The following GDAP2 variants were observed in gnomAD, a reference collection of about 807,000 sequenced individuals.
GDAP2 encodes ganglioside induced differentiation associated protein 2.
In GDAP2, 51 loss-of-function variants were observed where a neutral mutation model predicts 67.0. The observed-to-expected ratio is 0.76, with a 90% CI of 0.61 to 0.96. The LOEUF is 0.96. Ranked by LOEUF, GDAP2 falls within the 40% of genes least tolerant of loss-of-function variation. GDAP2 has a pLI of 0.00. For synonymous variants in GDAP2, 203 were observed against 207.3 expected (o/e 0.98, Z 0.18); for missense variants, 547 against 588.3 (o/e 0.93, Z 0.73).
intron 10 of GDAP2, among the ~76,000 whole-genome samples, chr1:117,886,141 T>C (rs916788206): frequency 7.2e-5 from 11 of 152,228 alleles, no homozygotes; most frequent in African/African-American, 2.7e-4. Context: ...TTATGAATCA[T>C]CTATTTCTGT....
chr1:117,929,066 G>A (rs939908965), intron 1 of GDAP2, among the ~76,000 whole-genome samples: 1 of 152,096 alleles, frequency 6.6e-6, no homozygotes, highest in African/African-American at 2.4e-5. Context: ...CTCACCCGAG[G>A]TGCTCTCGGT....
chr1:117,917,789 A>T (rs532737390), intron 3 of GDAP2, among the ~76,000 whole-genome samples: 1 of 152,228 alleles, frequency 6.6e-6, no homozygotes, highest in South Asian at 2.1e-4. Flanking sequence ...ACATGCCATT[A>T]GGAATTTTTC....
chr1:117,907,048 TA>T (rs1001392116), intron 5 of GDAP2, among the ~76,000 whole-genome samples: 3 of 152,336 alleles, frequency 2.0e-5, no homozygotes, highest in Non-Finnish European at 1.5e-5. Context: ...CAGTATTAGA[TA>T]TCCTACCCAG....
intron 7 of GDAP2, among the ~76,000 whole-genome samples, chr1:117,897,720 T>C (rs1335716599): frequency 6.6e-6 from 1 of 152,196 alleles, no homozygotes; most frequent in Non-Finnish European, 1.5e-5. Flanking sequence ...ACAAACGTCG[T>C]ACCATGGGGA....
At chr1:117,882,002 A>G (rs962725616) in intron 11 of GDAP2, 125 bp from the exon 12 acceptor site, 7 of 591,200 alleles carry the variant, frequency 1.2e-5, no homozygotes, top group African/African-American at 1.9e-5. Flanking sequence ...AAAGACAGCT[A>G]TAATTTACAG....
At chr1:117,921,868 T>G (rs1187967291) in intron 1 of GDAP2, among the ~76,000 whole-genome samples, 1 of 152,062 alleles carries the variant, frequency 6.6e-6, no homozygotes, top group East Asian at 1.9e-4. Flanking sequence ...AATGTTAGAT[T>G]TGGAATGTAT....
chr1:117,908,493 T>C (rs533976156), intron 5 of GDAP2, among the ~76,000 whole-genome samples: 215 of 152,270 alleles, frequency 1.4e-3, no homozygotes, highest in Non-Finnish European at 2.7e-3. Flanking sequence ...TTTTCCTCTA[T>C]TCTGCTTTAA....
At chr1:117,870,781 C>CA (rs1364528841) in intron 13 of GDAP2, among the ~76,000 whole-genome samples, 165 bp from the exon 14 acceptor site, 1 of 152,130 alleles carries the variant, frequency 6.6e-6, no homozygotes, top group Non-Finnish European at 1.5e-5. Context: ...TAGTATCACT[C>CA]AGAGTATAAG....
rs1221672844 is a variant in GDAP2, at chr1:117,868,853, T to C, written c.*1716A>G. The C allele has an allele frequency of 1.3e-5, 2 of 152,162 alleles. No homozygotes were observed. Among genetic ancestry groups the C allele is most frequent in the Non-Finnish European group, 2.9e-5 (2 of 68,034 alleles). 9.4% of individuals were successfully genotyped at this position (152,162 alleles called of 1,614,324 possible). Reference sequence around the variant, plus strand: ...GAGAAAATCTTAACATAGATGTATATATAAGGATCAAGTAATTTTGAGGTC... The same window carrying C: ...GAGAAAATCTTAACATAGATGTATACATAAGGATCAAGTAATTTTGAGGTC... On this transcript the variant is annotated 3_prime_UTR_variant, in exon 14 of 14. Coordinates refer to ENST00000369443, the MANE Select transcript of GDAP2 (RefSeq NM_017686.4).
Position 117,906,525 on chromosome 1 carries a change from G to A in GDAP2, c.617C>T (p.Ala206Val). ...HGETIEKVVF[A>V]VSDLEEGTYQ... Reference sequence around the variant, plus strand: ...AAATACCTCTTCAAGATCAGAGACAGCAAATACTACTTTTTCAATGGTTTC... The same window carrying A: ...AAATACCTCTTCAAGATCAGAGACAACAAATACTACTTTTTCAATGGTTTC... Residue 206 changes from alanine to valine, a missense_variant, in exon 6 of 14, where the codon GCT becomes GTT. Transcript: ENST00000369443. 1 of 1,563,814 alleles carries A rather than the reference G, an allele frequency of 6.4e-7. No homozygotes were observed. Among genetic ancestry groups the A allele is most frequent in the Non-Finnish European group, 8.8e-7 (1 of 1,137,638 alleles).
At chr1:117,903,646 T>A (rs1253834070) in intron 6 of GDAP2, among the ~76,000 whole-genome samples, 1 of 151,958 alleles carries the variant, frequency 6.6e-6, no homozygotes, top group African/African-American at 2.4e-5. Context: ...AGTATACAAT[T>A]CTTTTGTATG....
intron 13 of GDAP2, among the ~76,000 whole-genome samples, chr1:117,875,173 C>CT (rs1159020641): frequency 6.6e-6 from 1 of 152,174 alleles, no homozygotes; most frequent in Admixed American, 6.5e-5. Flanking sequence ...AAGGATAAAT[C>CT]TTTGAGGTAG....
At chr1:117,892,431 C>T (rs1007011301) in intron 8 of GDAP2, among the ~76,000 whole-genome samples, 1 of 151,844 alleles carries the variant, frequency 6.6e-6, no homozygotes, top group African/African-American at 2.4e-5. Flanking sequence ...TGTTCCAATC[C>T]AAAAATCAAA....
chr1:117,865,659 A>T lies in GDAP2; in HGVS notation c.*4910T>A, dbSNP rs938090041. ...AGCTTTACTGTCCAACAAAAGTATC[A>T]GATCACATTCTGCAGTTGTGATTTT... On this transcript the variant is annotated 3_prime_UTR_variant, in exon 14 of 14. Coordinates refer to ENST00000369443, the MANE Select transcript of GDAP2 (RefSeq NM_017686.4). The T allele has an allele frequency of 6.6e-6, 1 of 152,198 alleles. No homozygotes were observed. The highest frequency in any genetic ancestry group is 2.4e-5 in the African/African-American group (1 of 41,466). 9.4% of individuals were successfully genotyped at this position (152,198 alleles called of 1,614,324 possible).
intron 2 of GDAP2, among the ~76,000 whole-genome samples, chr1:117,919,614 T>C (rs928832077): frequency 6.6e-6 from 1 of 152,238 alleles, no homozygotes; most frequent in Middle Eastern, 3.4e-3. Context: ...TAAAATGGAC[T>C]GTGGTGAGGG....
intron 1 of GDAP2, among the ~76,000 whole-genome samples, chr1:117,926,422 A>T (rs1486852588): frequency 6.6e-6 from 1 of 152,208 alleles, no homozygotes; most frequent in Non-Finnish European, 1.5e-5. Context: ...TGTGACCCAC[A>T]AGATATTGGA....
chr1:117,877,792 A>G, intron 13 of GDAP2: 4 of 1,251,492 alleles, frequency 3.2e-6, no homozygotes, highest in Non-Finnish European at 4.0e-6. Flanking sequence ...GAGATCTCCC[A>G]CTGAAACGTT....
intron 8 of GDAP2, among the ~76,000 whole-genome samples, chr1:117,892,493 G>T (rs1649119878): frequency 6.6e-6 from 1 of 151,900 alleles, no homozygotes; most frequent in Non-Finnish European, 1.5e-5. Flanking sequence ...GTTTCCTACA[G>T]GATATTTCCT....
rs201015061 is a variant in GDAP2 at position 117,918,669 on chromosome 1, T to C, written c.244A>G (p.Lys82Glu). Residue 82 changes from lysine (K) to glutamate (E), a missense_variant, in exon 3 of 14, where the codon AAG becomes GAG. Physicochemically the swap from Lys to Glu is moderately conservative, Grantham distance 56. Transcript: ENST00000369443. Reference sequence around the variant, plus strand: ...AAGATACTTTCTGACACAGGATTCTTATCTGTGAGACTTTCATTGCTGGTA... The same window carrying C: ...AAGATACTTTCTGACACAGGATTCTCATCTGTGAGACTTTCATTGCTGGTA... Reference protein sequence around the residue: ...VNTSNESLTDKNPVSESIFML... With the variant: ...VNTSNESLTDENPVSESIFML... 6 of 1,598,706 alleles carry C rather than the reference T, an allele frequency of 3.8e-6. No individual in the cohort carries two copies. The highest frequency in any genetic ancestry group is 5.1e-6 in the Non-Finnish European group (6 of 1,165,960).
Sources: allele counts gnomAD v4.1 joint callset (sites outside exome capture counted in the v4.1 genomes callset), GRCh38; gene constraint gnomAD v4.1.1; transcripts MANE v1.5; gene names NCBI Gene and HGNC (gene_info 2026-07-23, HGNC 2026-07-21).